Variants in GRIN2A observed in about 807,000 individuals in gnomAD.
GRIN2A encodes the protein glutamate ionotropic receptor NMDA type subunit 2A, also known as glutamate receptor ionotropic, NMDA 2A.
Under a neutral mutation model 113.4 loss-of-function variants are expected in GRIN2A, and 22 were observed. That is an observed-to-expected ratio of 0.19 (90% CI 0.14 to 0.28). GRIN2A has a LOEUF of 0.28. GRIN2A is among the 10% of genes least tolerant of loss of function. GRIN2A has a pLI of 1.00. For missense variants in GRIN2A, 1,502 were observed against 1,887.0 expected, an observed-to-expected ratio of 0.80 and a Z score of 3.78; for synonymous variants, 827 against 738.4, an observed-to-expected ratio of 1.12 and a Z score of -1.94.
intron 8 of GRIN2A, 30 bp downstream of exon 8, chr16:9,834,075 A>G (rs1474553861): frequency 6.2e-7 from 1 of 1,609,482 alleles, no homozygotes. Context: ...TTGCAACAAC[A>G]TTGAATCATG....
At chr16:10,129,505 A>G (rs1443638767) in intron 2 of GRIN2A, among the ~76,000 whole-genome samples, 1 of 152,224 alleles carries the variant, frequency 6.6e-6, no homozygotes, top group Non-Finnish European at 1.5e-5. Context: ...AGCCTGTCAC[A>G]GTCAGCAATG....
At chr16:9,848,172 T>C (rs2042810532) in intron 5 of GRIN2A, among the ~76,000 whole-genome samples, 2 of 149,106 alleles carry the variant, frequency 1.3e-5, no homozygotes, top group Non-Finnish European at 3.0e-5. Context: ...GTTTTATATA[T>C]CTCAATATAT....
chr16:9,775,299 G>A (rs1402684608), intron 11 of GRIN2A, among the ~76,000 whole-genome samples: 1 of 152,118 alleles, frequency 6.6e-6, no homozygotes, highest in African/African-American at 2.4e-5. Flanking sequence ...AGCTGAGTTC[G>A]ATGTTCTATT....
intron 10 of GRIN2A, among the ~76,000 whole-genome samples, chr16:9,818,798 T>C (rs1365313222): frequency 6.6e-6 from 1 of 152,194 alleles, no homozygotes; most frequent in East Asian, 1.9e-4. Context: ...CATGCACTGA[T>C]GGGGTAAGTA....
At chr16:9,932,679 G>C (rs138961819) in intron 3 of GRIN2A, among the ~76,000 whole-genome samples, 2 of 152,012 alleles carry the variant, frequency 1.3e-5, no homozygotes, top group South Asian at 2.1e-4. Context: ...CACCACGCCC[G>C]GCCTAATAAC....
intron 3 of GRIN2A, among the ~76,000 whole-genome samples, chr16:9,915,337 A>T (rs949346367): frequency 1.3e-5 from 2 of 152,120 alleles, no homozygotes; most frequent in Non-Finnish European, 2.9e-5. Flanking sequence ...AACTGGGAGG[A>T]CTTGAATCAA....
In GRIN2A at chr16:10,181,892, G is replaced by T. The variant is rs564039694; in HGVS notation, c.-34C>A. 1.7e-3 allele frequency: 257 copies of T among 152,936 alleles called. No individual in the cohort carries two copies. Among genetic ancestry groups the T allele is most frequent in the Admixed American group, 4.7e-3 (72 of 15,314 alleles). 9.5% of individuals were successfully genotyped at this position (152,936 alleles called of 1,614,324 possible). On this transcript the variant is annotated 5_prime_UTR_variant, in exon 1 of 13. Coordinates refer to ENST00000330684, the MANE Select transcript of GRIN2A (RefSeq NM_001134407.3). ...TGGGACGTACCTGTAGCCCGAGAAG[G>T]TCGAGGATGCAGTGGGGCGCGCTGC...
chr16:9,926,060 C>A (rs1193252702), intron 3 of GRIN2A, among the ~76,000 whole-genome samples: 1 of 152,150 alleles, frequency 6.6e-6, no homozygotes, highest in Non-Finnish European at 1.5e-5. Flanking sequence ...CACACCCCAC[C>A]AGAGCAAATA....
intron 2 of GRIN2A, among the ~76,000 whole-genome samples, chr16:9,947,285 C>A (rs1023845462): frequency 2.6e-5 from 4 of 152,140 alleles, no homozygotes; most frequent in Non-Finnish European, 5.9e-5. Flanking sequence ...TTGGTTTCTT[C>A]TCAAAGACTC....
At chr16:10,149,810 G>T (rs1200251822) in intron 2 of GRIN2A, among the ~76,000 whole-genome samples, 2 of 152,176 alleles carry the variant, frequency 1.3e-5, no homozygotes. Context: ...CATAAATAAA[G>T]TTAGGTCAAT....
At chr16:10,019,989 T>C (rs1211465768) in intron 2 of GRIN2A, among the ~76,000 whole-genome samples, 1 of 152,226 alleles carries the variant, frequency 6.6e-6, no homozygotes, top group African/African-American at 2.4e-5. Flanking sequence ...TGTTAATTAA[T>C]TCGATGGTGG....
intron 3 of GRIN2A, among the ~76,000 whole-genome samples, chr16:9,906,996 G>A (rs532327611): frequency 1.3e-5 from 2 of 152,188 alleles, no homozygotes; most frequent in East Asian, 3.9e-4. Context: ...TGTATTTCTT[G>A]TAGACAGGGT....
At chr16:9,803,724 T>C (rs1372480198) in intron 10 of GRIN2A, among the ~76,000 whole-genome samples, 1 of 152,158 alleles carries the variant, frequency 6.6e-6, no homozygotes, top group African/African-American at 2.4e-5. Flanking sequence ...AACTGAGGCA[T>C]TGAGCAGTAA....
At chr16:9,846,705 C>A (rs1047647591) in intron 5 of GRIN2A, among the ~76,000 whole-genome samples, 1 of 152,172 alleles carries the variant, frequency 6.6e-6, no homozygotes, top group Non-Finnish European at 1.5e-5. Context: ...GAGAGAGATA[C>A]ACCCAGGTAC....
intron 2 of GRIN2A, among the ~76,000 whole-genome samples, chr16:10,047,480 G>A (rs1184863667): frequency 3.3e-5 from 5 of 152,202 alleles, no homozygotes; most frequent in African/African-American, 1.2e-4. Context: ...AAAGATTATT[G>A]TCTGCTTTTA....
At chr16:9,816,590 C>T (rs781278825) in intron 10 of GRIN2A, among the ~76,000 whole-genome samples, 8 of 152,138 alleles carry the variant, frequency 5.3e-5, no homozygotes, top group Non-Finnish European at 7.4e-5. Flanking sequence ...GGCATATGTG[C>T]GACGCTTGCA....
intron 11 of GRIN2A, among the ~76,000 whole-genome samples, chr16:9,796,110 C>T (rs953431620): frequency 6.6e-6 from 1 of 152,140 alleles, no homozygotes; most frequent in Non-Finnish European, 1.5e-5. Flanking sequence ...GATTGACATA[C>T]CCAAGTCCCT....
chr16:9,962,434 C>A (rs1411930463), intron 2 of GRIN2A, among the ~76,000 whole-genome samples: 4 of 152,036 alleles, frequency 2.6e-5, no homozygotes, highest in African/African-American at 9.7e-5. Context: ...CAAACAACCC[C>A]ATCAAAAAGT....
intron 2 of GRIN2A, among the ~76,000 whole-genome samples, chr16:10,164,470 C>T (rs1035925815): frequency 7.2e-5 from 11 of 152,330 alleles, no homozygotes; most frequent in Middle Eastern, 3.4e-3. Context: ...GCCTGGGACA[C>T]GAACATGACT....
Sources: gnomAD v4.1 joint callset for allele counts (sites outside exome capture counted in the v4.1 genomes callset) on GRCh38, gnomAD v4.1.1 for gene constraint, MANE v1.5 for transcripts, NCBI Gene and HGNC (gene_info 2026-07-23, HGNC 2026-07-21) for gene names.